ROBO2: variants seen among roughly 807,000 people sequenced by gnomAD.
ROBO2 encodes roundabout guidance receptor 2.
A neutral mutation model predicts 160.8 loss-of-function variants in ROBO2; 53 were observed. The ratio of observed to expected loss-of-function variants is 0.33; its 90% CI spans 0.26 to 0.41. ROBO2 has a LOEUF of 0.41. Ranked by LOEUF, ROBO2 falls within the 10% of genes least tolerant of loss-of-function variation. ROBO2 has a pLI of 1.00. For synonymous variants in ROBO2, 664 were observed against 611.7 expected (o/e 1.09, Z -1.26); for missense variants, 1,577 against 1,722.4 (o/e 0.92, Z 1.49).
At chr3:77,544,476 C>A (rs1424147006) in intron 6 of ROBO2, among the ~76,000 whole-genome samples, 2 of 151,976 alleles carry the variant, frequency 1.3e-5, no homozygotes, top group Admixed American at 1.3e-4. Flanking sequence ...CTGGGTTATG[C>A]GTTAGATGCG....
chr3:77,576,683 G>A (rs938407824), intron 14 of ROBO2, among the ~76,000 whole-genome samples: 1 of 152,002 alleles, frequency 6.6e-6, no homozygotes, highest in Non-Finnish European at 1.5e-5. Flanking sequence ...AACTATAAAG[G>A]CAGAGAATTA....
intron 2 of ROBO2, among the ~76,000 whole-genome samples, chr3:76,729,950 T>A (rs1196162679): frequency 1.3e-5 from 2 of 152,182 alleles, no homozygotes; most frequent in Non-Finnish European, 2.9e-5. Context: ...CACATGTATT[T>A]CTAAGACACT....
intron 7 of ROBO2, 71 bp downstream of exon 8, chr3:77,546,533 G>T: frequency 6.4e-7 from 1 of 1,572,438 alleles, no homozygotes; most frequent in Non-Finnish European, 8.7e-7. Context: ...CTGAAAGCTT[G>T]CCTTGCTTCT....
intron 20 of ROBO2, among the ~76,000 whole-genome samples, chr3:77,606,796 A>C (rs1392298202): frequency 6.6e-6 from 1 of 152,206 alleles, no homozygotes; most frequent in Non-Finnish European, 1.5e-5. Flanking sequence ...TTGCGGTTCC[A>C]GAAAGATGAA....
At chr3:77,170,089 C>T (rs189552472) in intron 2 of ROBO2, among the ~76,000 whole-genome samples, 3 of 152,170 alleles carry the variant, frequency 2.0e-5, no homozygotes, top group Non-Finnish European at 4.4e-5. Context: ...CCAGAGCTGA[C>T]ACCTGTCACC....
chr3:77,157,349 G>A (rs1262407929), intron 2 of ROBO2, among the ~76,000 whole-genome samples: 1 of 151,890 alleles, frequency 6.6e-6, no homozygotes, highest in African/African-American at 2.4e-5. Context: ...TCAATTGAAT[G>A]TTTTCACTGT....
chr3:77,613,602 T>C (rs534493313), intron 21 of ROBO2, among the ~76,000 whole-genome samples: 31 of 152,262 alleles, frequency 2.0e-4, no homozygotes, highest in African/African-American at 6.7e-4. Context: ...GTCAGATAAA[T>C]AAATTAGGAA....
At chr3:76,095,415 A>C (rs1299130779) in intron 2 of ROBO2, among the ~76,000 whole-genome samples, 5 of 152,052 alleles carry the variant, frequency 3.3e-5, no homozygotes. Flanking sequence ...ATAATATAAT[A>C]AAAGAAAAAA....
intron 6 of ROBO2, among the ~76,000 whole-genome samples, chr3:77,531,108 T>C (rs973869810): frequency 6.6e-6 from 1 of 152,012 alleles, no homozygotes; most frequent in Non-Finnish European, 1.5e-5. Context: ...GTGACTTGTA[T>C]ACCATATGCT....
chr3:76,523,984 G>A (rs1016000112), intron 2 of ROBO2, among the ~76,000 whole-genome samples: 3 of 119,666 alleles, frequency 2.5e-5, no homozygotes, highest in Admixed American at 2.4e-4. Flanking sequence ...GTGTGTGTGT[G>A]TATGTGTGTG....
chr3:76,496,255 T>C (rs998751288), intron 2 of ROBO2, among the ~76,000 whole-genome samples: 7 of 152,260 alleles, frequency 4.6e-5, no homozygotes, highest in Non-Finnish European at 8.8e-5. Flanking sequence ...AATTCTTAAA[T>C]TCAATTCTTT....
upstream of ROBO2, among the ~76,000 whole-genome samples, chr3:77,038,703 C>T (rs1045087051): frequency 9.9e-4 from 151 of 152,282 alleles, no homozygotes; most frequent in African/African-American, 3.1e-3. Context: ...CACACGTGGG[C>T]CCGGCCGCAC....
chr3:77,572,378 T>A (rs887007595), intron 13 of ROBO2, among the ~76,000 whole-genome samples: 3 of 152,006 alleles, frequency 2.0e-5, no homozygotes, highest in Non-Finnish European at 4.4e-5. Flanking sequence ...TTGGTTGCCT[T>A]ATTTCATAGT....
intron 2 of ROBO2, among the ~76,000 whole-genome samples, chr3:76,692,742 A>C (rs970780420): frequency 6.6e-5 from 10 of 152,086 alleles, no homozygotes. Flanking sequence ...AGTAGAAACC[A>C]TGAAAATTTC....
At chr3:76,163,230 A>G (rs1003957956) in intron 2 of ROBO2, among the ~76,000 whole-genome samples, 7 of 151,900 alleles carry the variant, frequency 4.6e-5, no homozygotes, top group African/African-American at 9.7e-5. Flanking sequence ...TCTACCTTCA[A>G]ATTTTATGAT....
intron 1 of ROBO2, among the ~76,000 whole-genome samples, chr3:75,933,653 C>T (rs1947637551): frequency 6.6e-6 from 1 of 151,990 alleles, no homozygotes; most frequent in African/African-American, 2.4e-5. Flanking sequence ...TATTTAAGAA[C>T]CAACTTTATA....
chr3:76,187,451 G>GTT (rs34422473), intron 2 of ROBO2, among the ~76,000 whole-genome samples: 6 of 151,530 alleles, frequency 4.0e-5, no homozygotes, highest in Admixed American at 4.0e-4. Flanking sequence ...ATTTTTTAAT[G>GTT]TTTTTTAGAA....
rs144645529 is a variant in ROBO2, at chr3:76,774,378, T to G, written c.110-323636T>G. Among the ~76,000 whole-genome samples the G allele has an allele frequency of 4.8e-3, 724 of 151,058 alleles. 8 individuals are homozygous for G. The highest frequency in any genetic ancestry group is 0.017 in the African/African-American group (686 of 41,394). ...ATAGAATATCAGAGTTGGGGAAAGA[T>G]CCTATCTGGTAACTTTCTTCTTATT... On this transcript the variant is annotated intron_variant, in intron 2 of 26. Coordinates refer to the ROBO2 transcript ENST00000487694.
chr3:76,723,987 T>A (rs1371230697), intron 2 of ROBO2, among the ~76,000 whole-genome samples: 1 of 152,202 alleles, frequency 6.6e-6, no homozygotes, highest in Non-Finnish European at 1.5e-5. Flanking sequence ...GTCTAGATTC[T>A]CTTGCTTATT....
Sources: gnomAD v4.1 joint callset for allele counts (sites outside exome capture counted in the v4.1 genomes callset) on GRCh38, gnomAD v4.1.1 for gene constraint, MANE v1.5 for transcripts, NCBI Gene and HGNC (gene_info 2026-07-23, HGNC 2026-07-21) for gene names.